Variants in ADRA1A observed in about 807,000 individuals in gnomAD.
The protein encoded by ADRA1A is alpha-1A adrenergic receptor.
ADRA1A carries 31 observed loss-of-function variants against 29.6 expected under a neutral mutation model. That is an observed-to-expected ratio of 1.05 (90% CI 0.79 to 1.41). ADRA1A has a LOEUF of 1.41. ADRA1A is among the 40% of genes most tolerant of loss of function. The pLI is 0.00. For synonymous variants in ADRA1A, 311 were observed against 254.3 expected (o/e 1.22, Z -2.12); for missense variants, 619 against 601.1 (o/e 1.03, Z -0.31).
intron 2 of ADRA1A, among the ~76,000 whole-genome samples, chr8:26,833,032 G>A (rs557054325): frequency 5.9e-5 from 9 of 152,230 alleles, no homozygotes; most frequent in African/African-American, 1.9e-4. Flanking sequence ...CCCATTGCAC[G>A]GGTGCACGAT....
chr8:26,765,093 A>G (rs924698512), downstream of ADRA1A, among the ~76,000 whole-genome samples: 3 of 152,230 alleles, frequency 2.0e-5, no homozygotes, highest in Non-Finnish European at 2.9e-5. Context: ...GCAGCAAGCC[A>G]TGACTCAACC....
rs141511786 is a variant in ADRA1A, at chr8:26,821,534, C to T, written c.883+42553G>A. Among the ~76,000 whole-genome samples the T allele has an allele frequency of 3.7e-3, 563 of 152,270 alleles. No homozygotes were observed. The highest frequency in any genetic ancestry group is 0.012 in the African/African-American group (517 of 41,554). ...CCTGATCCAATCACCTCCCACCAGG[C>T]CCCACCTCCAACATTGGGAATCACA... On this transcript the variant is annotated intron_variant, in intron 2 of 2. Coordinates refer to ENST00000380573, the MANE Select transcript of ADRA1A (RefSeq NM_000680.4). This position sits in a 1 kb window ranked among gnomAD's most constrained non-coding sequence, Gnocchi z 5.6.
chr8:26,770,407 T>G lies in ADRA1A; in HGVS notation c.1143A>C (p.Ser381=). The G allele has an allele frequency of 6.2e-7, 1 of 1,614,244 alleles. No individual in the cohort carries two copies. Among genetic ancestry groups the G allele is most frequent in the Non-Finnish European group, 8.5e-7 (1 of 1,180,032 alleles). Residue 381 remains serine, a synonymous_variant, in exon 3 of 3, where the codon TCA becomes TCC. Coordinates refer to ENST00000380573, the MANE Select transcript of ADRA1A (RefSeq NM_000680.4). ...HKDMVRIPVG[S]RETFYRISKT... ...TGGAGATCCTGTAGAAGGTCTCTCT[T>G]GATCCCACGGGGATGCGCACCATGT...
chr8:26,803,159 T>C (rs1258245318), intron 2 of ADRA1A, among the ~76,000 whole-genome samples: 3 of 151,610 alleles, frequency 2.0e-5, no homozygotes, highest in Non-Finnish European at 4.4e-5. Flanking sequence ...ATATCTAGTA[T>C]TTGATAGCAT....
chr8:26,802,016 G>A (rs1252728396), intron 2 of ADRA1A, among the ~76,000 whole-genome samples: 1 of 152,162 alleles, frequency 6.6e-6, no homozygotes, highest in Non-Finnish European at 1.5e-5. Context: ...GTCAGTGAAT[G>A]GTGCTGGGGA....
Position 26,825,158 on chromosome 8 carries a change from C to T in ADRA1A, c.883+38929G>A, listed in dbSNP as rs1296407531. ...GACCCCCAGCCCCCACATGTCCCAC[C>T]CTGAGCTTGCTAGGCCTTCCAGGGC... On this transcript the variant is annotated intron_variant, in intron 2 of 2. Coordinates refer to ENST00000380573, the MANE Select transcript of ADRA1A (RefSeq NM_000680.4). The surrounding 1 kb of genome is among the most constrained non-coding windows in gnomAD (Gnocchi z 5.7). 6.6e-6 allele frequency among the ~76,000 whole-genome samples: 1 copy of T among 152,208 alleles called. No homozygotes were observed. The highest frequency in any genetic ancestry group is 2.4e-5 in the African/African-American group (1 of 41,456).
intron 2 of ADRA1A, among the ~76,000 whole-genome samples, chr8:26,757,512 T>TCCCCCCCC (rs1428337716): frequency 6.8e-6 from 1 of 147,486 alleles, no homozygotes. Context: ...TGCTTCCATT[T>TCCCCCCCC]CCCCCACCCC....
At chr8:26,782,309 C>T (rs1023081980) in intron 2 of ADRA1A, among the ~76,000 whole-genome samples, 7 of 152,144 alleles carry the variant, frequency 4.6e-5, no homozygotes, top group African/African-American at 1.4e-4. Context: ...TTCAAATGGA[C>T]ATAATACATA....
In ADRA1A at chr8:26,864,062, A is replaced by C. The variant is rs754880229; in HGVS notation, c.883+25T>G. ...AGGAGGGTGAAGACCCCCAGATGCTAAAGTGAGGGGTGTTCAAGACTTACC... is the reference window on the plus strand; with the variant it reads ...AGGAGGGTGAAGACCCCCAGATGCTCAAGTGAGGGGTGTTCAAGACTTACC... On this transcript the variant is annotated intron_variant, in intron 2 of 2. Transcript: ENST00000380573. The surrounding 1 kb of genome is among the most constrained non-coding windows in gnomAD (Gnocchi z 8.1). The C allele has an allele frequency of 1.3e-5, 21 of 1,592,072 alleles. No individual in the cohort carries two copies. Among genetic ancestry groups the C allele is most frequent in the Non-Finnish European group, 1.8e-5 (21 of 1,169,570 alleles).
chr8:26,814,086 A>C (rs1809601170), intron 2 of ADRA1A, among the ~76,000 whole-genome samples: 1 of 152,166 alleles, frequency 6.6e-6, no homozygotes, highest in South Asian at 2.1e-4. Flanking sequence ...TTCACATAAA[A>C]TTTGAGTCTG....
Position 26,806,546 on chromosome 8 carries a change from T to C in ADRA1A, c.884-35880A>G, listed in dbSNP as rs537452139. On this transcript the variant is annotated intron_variant, in intron 2 of 2. Transcript: ENST00000380573. This position sits in a 1 kb window ranked among gnomAD's most constrained non-coding sequence, Gnocchi z 4.6. Reference sequence around the variant, plus strand: ...TCTCCAGATGGTGTGGGAATCCAGATAGCAACTCATCACTAAGGAGGGCCA... The same window carrying C: ...TCTCCAGATGGTGTGGGAATCCAGACAGCAACTCATCACTAAGGAGGGCCA... 6.6e-6 allele frequency among the ~76,000 whole-genome samples: 1 copy of C among 152,250 alleles called. No homozygotes were observed. The highest frequency in any genetic ancestry group is 1.5e-5 in the Non-Finnish European group (1 of 68,006).
chr8:26,813,969 C>T (rs1388275407), intron 2 of ADRA1A, among the ~76,000 whole-genome samples: 1 of 152,186 alleles, frequency 6.6e-6, no homozygotes, highest in Non-Finnish European at 1.5e-5. Context: ...CAGTGATCCT[C>T]AGGTCAGGCC....
rs1428337716 is a variant in ADRA1A at position 26,757,512 on chromosome 8, T to TCCCCCCCCCCCCC, written c.1270-734_1270-733insGGGGGGGGGGGGG. Among the ~76,000 whole-genome samples the TCCCCCCCCCCCCC allele has an allele frequency of 3.4e-5, 5 of 147,486 alleles. No individual in the cohort carries two copies. The East Asian group carries it at 6.6e-4, about 19-fold the overall frequency. On this transcript the variant is annotated intron_variant, in intron 2 of 2. Coordinates refer to the ADRA1A transcript ENST00000380582. ...CAAGTCTGTCCCTTTTGCTTCCATT[T>TCCCCCCCCCCCCC]CCCCCACCCCCCACCTCTGCTCCAT...
intron 2 of ADRA1A, among the ~76,000 whole-genome samples, chr8:26,843,901 G>T (rs1025225659): frequency 1.3e-5 from 2 of 152,182 alleles, no homozygotes; most frequent in African/African-American, 4.8e-5. Context: ...TGGCGAACAC[G>T]TGTTGTGCCA....
chr8:26,847,372 A>G (rs2130727238), intron 2 of ADRA1A, among the ~76,000 whole-genome samples: 1 of 152,244 alleles, frequency 6.6e-6, no homozygotes, highest in East Asian at 1.9e-4. Flanking sequence ...TCTTTAGGAA[A>G]AGTTTATTAT....
intron 2 of ADRA1A, among the ~76,000 whole-genome samples, chr8:26,797,323 G>A (rs1005856973): frequency 1.4e-4 from 21 of 152,028 alleles, no homozygotes; most frequent in South Asian, 4.2e-4. Flanking sequence ...TTAAAACAGC[G>A]TCTCGCTCTG....
chr8:26,780,260 G>A (rs1045866505), intron 2 of ADRA1A, among the ~76,000 whole-genome samples: 3 of 123,920 alleles, frequency 2.4e-5, no homozygotes, highest in African/African-American at 9.3e-5. Context: ...ATGCAAAGGT[G>A]TTTACCTTCT....
Position 26,864,224 on chromosome 8 carries a change from G to T in ADRA1A, c.746C>A (p.Ala249Asp), listed in dbSNP as rs1251659077. Residue 249 changes from alanine to aspartate, a missense_variant, in exon 2 of 3, where the codon GCC (alanine) becomes GAC (aspartate). Coordinates refer to ENST00000380573, the MANE Select transcript of ADRA1A (RefSeq NM_000680.4). The surrounding 1 kb of genome is among the most constrained non-coding windows in gnomAD (Gnocchi z 8.1). The part of the protein sequence containing the change: ...KNAPAGGSGM[A>D]SAKTKTHFSV... Reference sequence around the variant, plus strand: ...GAAGTGCGTCTTGGTCTTGGCGCTGGCCATCCCGCTGCCTCCTGCCGGGGC... The same window carrying T: ...GAAGTGCGTCTTGGTCTTGGCGCTGTCCATCCCGCTGCCTCCTGCCGGGGC... 3 of 1,614,064 alleles carry T rather than the reference G, an allele frequency of 1.9e-6. No individual in the cohort carries two copies. In the African/African-American group the frequency reaches 4.0e-5, roughly 22 times the overall value.
At chr8:26,842,692 G>A (rs1021691131) in intron 2 of ADRA1A, among the ~76,000 whole-genome samples, 1 of 152,008 alleles carries the variant, frequency 6.6e-6, no homozygotes, top group African/African-American at 2.4e-5. Flanking sequence ...ACCCCCAGTG[G>A]CTCCCCACTT....
Sources: allele counts gnomAD v4.1 joint callset (sites outside exome capture counted in the v4.1 genomes callset), GRCh38; gene constraint gnomAD v4.1.1; non-coding constraint Gnocchi (gnomAD v3.1); transcripts MANE v1.5; gene names NCBI Gene and HGNC (gene_info 2026-07-23, HGNC 2026-07-21).